ZHX2: variants seen among roughly 807,000 people sequenced by gnomAD.
The protein encoded by ZHX2 is zinc fingers and homeoboxes 2.
In ZHX2, 6 loss-of-function variants were observed where a neutral mutation model predicts 21.9. The ratio of observed to expected loss-of-function variants is 0.27; its 90% confidence interval spans 0.15 to 0.54. The LOEUF is 0.54. ZHX2 is among the 20% of genes least tolerant of loss of function. The pLI, the probability that ZHX2 is intolerant of heterozygous loss-of-function variation, is 0.95. For missense variants in ZHX2, 908 were observed against 1,090.7 expected (o/e 0.83, Z 2.36); for synonymous variants, 434 against 437.1 (o/e 0.99, Z 0.09).
At chr8:122,831,595 C>G (rs1315828168) in intron 1 of ZHX2, among the ~76,000 whole-genome samples, 1 of 152,120 alleles carries the variant, frequency 6.6e-6, no homozygotes, top group East Asian at 1.9e-4. Flanking sequence ...ACTGGCCTTG[C>G]ACGGGTTGTA....
intron 2 of ZHX2, among the ~76,000 whole-genome samples, chr8:122,878,681 T>A (rs1461612443): frequency 1.3e-5 from 2 of 151,422 alleles, no homozygotes; most frequent in Non-Finnish European, 2.9e-5. Flanking sequence ...GTGCAGGGAG[T>A]GTGGGGACTC....
intron 3 of ZHX2, among the ~76,000 whole-genome samples, chr8:122,960,399 A>G (rs1813412778): frequency 6.6e-6 from 1 of 152,082 alleles, no homozygotes; most frequent in African/African-American, 2.4e-5. Flanking sequence ...TTAGCTTGGT[A>G]TAGTGGTGCA....
intron 2 of ZHX2, among the ~76,000 whole-genome samples, chr8:122,942,470 C>T (rs1291858652): frequency 6.6e-6 from 1 of 152,196 alleles, no homozygotes; most frequent in Non-Finnish European, 1.5e-5. Flanking sequence ...GCATCCCTGT[C>T]AAAGCCCGGA....
rs1336486588 is a variant in ZHX2 at position 122,954,905 on chromosome 8, GAATC to G, written c.*4+880_*4+883del. ...TTAAGAATACATATCCAAGTTTACT[GAATC>G]AAAGACCTGAGCTTATTTCTTCTAA... is the stretch of plus-strand genomic sequence containing the variant. On this transcript the variant is annotated intron_variant, in intron 3 of 3. Transcript: ENST00000314393. Among the ~76,000 whole-genome samples the G allele has an allele frequency of 9.9e-5, 15 of 151,092 alleles. No homozygotes were observed. The South Asian group carries it at 2.7e-3, about 27-fold the overall frequency.
intron 1 of ZHX2, among the ~76,000 whole-genome samples, chr8:122,849,121 G>A (rs967069698): frequency 2.6e-5 from 4 of 152,218 alleles, no homozygotes; most frequent in African/African-American, 9.6e-5. Context: ...AAGGTGGGAA[G>A]GTGAGAATCG....
chr8:122,821,581 T>G (rs1818149342), intron 1 of ZHX2, among the ~76,000 whole-genome samples: 1 of 151,422 alleles, frequency 6.6e-6, no homozygotes, highest in Admixed American at 6.6e-5. Flanking sequence ...TTTTGGACAC[T>G]TCTCAAAAGA....
chr8:122,918,020 GACTCTGCT>G (rs1229328211), intron 2 of ZHX2, among the ~76,000 whole-genome samples: 1 of 152,134 alleles, frequency 6.6e-6, no homozygotes, highest in Non-Finnish European at 1.5e-5. Flanking sequence ...TAGCCCTCAA[GACTCTGCT>G]ACTCTTGTCT....
rs953469231 is a variant in ZHX2 at position 122,942,845 on chromosome 8, G to A, written c.-219-8447G>A. Among the ~76,000 whole-genome samples, 10 of 152,262 alleles carry A rather than the reference G, an allele frequency of 6.6e-5. No homozygotes were observed. In the South Asian group the frequency reaches 1.0e-3, roughly 16 times the overall value. ...GCCACCACCTGTCTCTGGAACTGAC[G>A]GTGGTAAGGAAAAAGAACAAAGGAT... On this transcript the variant is annotated intron_variant, in intron 2 of 3. Coordinates refer to ENST00000314393, the MANE Select transcript of ZHX2 (RefSeq NM_014943.5).
chr8:122,893,523 TA>T (rs1358328399), intron 2 of ZHX2, among the ~76,000 whole-genome samples: 2 of 152,110 alleles, frequency 1.3e-5, no homozygotes, highest in Non-Finnish European at 2.9e-5. Context: ...CTTTATTTTT[TA>T]AAAAAACGAA....
intron 1 of ZHX2, among the ~76,000 whole-genome samples, chr8:122,822,776 G>T (rs17360100): frequency 0.045 from 6,817 of 152,348 alleles, 221 homozygotes; most frequent in Non-Finnish European, 0.067. Context: ...TAAGGCCTGT[G>T]CCTGGGCTAT....
At chr8:122,815,820 G>A (rs1294103525) in intron 1 of ZHX2, 1 of 152,254 alleles carries the variant, frequency 6.6e-6, no homozygotes, top group African/African-American at 2.4e-5. Context: ...GGGCGTGGTG[G>A]CTCATGCCCT....
At position 122,782,776 on chromosome 8, in the gene ZHX2, CTGCCAGCTGGCCGG is replaced by C. The variant is rs1817318329; in HGVS notation, c.-283+831_-283+844del. 6.6e-6 allele frequency among the ~76,000 whole-genome samples: 1 copy of C among 152,160 alleles called. No individual in the cohort carries two copies. Among genetic ancestry groups the C allele is most frequent in the Non-Finnish European group, 1.5e-5 (1 of 68,004 alleles). On this transcript the variant is annotated intron_variant, in intron 1 of 3. Transcript: ENST00000314393. The surrounding 1 kb of genome is among the most constrained non-coding windows in gnomAD (Gnocchi z 5.3). ...GCGGGACCCCCGGCCCTGCTGTCCG[CTGCCAGCTGGCCGG>C]AGCCTCTGCCAGCCCGAGCCCACGT...
intron 1 of ZHX2, among the ~76,000 whole-genome samples, chr8:122,800,019 G>A (rs896427255): frequency 6.6e-6 from 1 of 152,028 alleles, no homozygotes; most frequent in Non-Finnish European, 1.5e-5. Flanking sequence ...CACCACACCC[G>A]GCTGATTTTG....
chr8:122,853,601 G>T (rs1397709860), intron 1 of ZHX2, among the ~76,000 whole-genome samples: 4 of 152,106 alleles, frequency 2.6e-5, no homozygotes, highest in Non-Finnish European at 2.9e-5. Context: ...CAGCCAGGCT[G>T]CTCCTTTCAG....
intron 2 of ZHX2, among the ~76,000 whole-genome samples, chr8:122,910,245 T>G (rs1015977432): frequency 1.1e-4 from 17 of 152,056 alleles, no homozygotes; most frequent in Non-Finnish European, 2.9e-5. Context: ...CCTTATTCAG[T>G]CCCCACTATG....
At position 122,952,719 on chromosome 8, in the gene ZHX2, T is replaced by C. The variant is rs1396488532; in HGVS notation, c.1209T>C (p.His403=). ...TTGCCGTGGCAGGAGTCACCAACCA[T>C]GGCCAGAAGAGACCCTTGGTGACTC... is the stretch of plus-strand genomic sequence containing the variant. The part of the protein sequence containing the change: ...ITLAVAGVTN[H]GQKRPLVTPQ... Residue 403 remains histidine (H), a synonymous_variant, in exon 3 of 4, where the codon CAT becomes CAC. Coordinates refer to ENST00000314393, the MANE Select transcript of ZHX2 (RefSeq NM_014943.5). The surrounding 1 kb of genome is among the most constrained non-coding windows in gnomAD (Gnocchi z 6.9). The C allele has an allele frequency of 8.7e-6, 14 of 1,613,892 alleles. No individual in the cohort carries two copies. The highest frequency in any genetic ancestry group is 2.7e-5 in the African/African-American group (2 of 74,864).
chr8:122,865,787 G>A (rs1819278800), intron 2 of ZHX2, among the ~76,000 whole-genome samples: 1 of 152,206 alleles, frequency 6.6e-6, no homozygotes, highest in Non-Finnish European at 1.5e-5. Context: ...CCCAGGTTAA[G>A]GCCCAATGAT....
intron 1 of ZHX2, among the ~76,000 whole-genome samples, chr8:122,787,995 A>G (rs911242948): frequency 1.3e-5 from 2 of 152,200 alleles, no homozygotes; most frequent in African/African-American, 4.8e-5. Flanking sequence ...ATGCCCCCAC[A>G]GCCATCTCAT....
chr8:122,888,436 G>C (rs1229731663), intron 2 of ZHX2, among the ~76,000 whole-genome samples: 2 of 152,074 alleles, frequency 1.3e-5, no homozygotes, highest in Non-Finnish European at 2.9e-5. Flanking sequence ...CTCTCTGCTA[G>C]CTATTCAAAA....
Sources: allele counts gnomAD v4.1 joint callset (sites outside exome capture counted in the v4.1 genomes callset), GRCh38; gene constraint gnomAD v4.1.1; non-coding constraint Gnocchi (gnomAD v3.1); transcripts MANE v1.5; gene names NCBI Gene and HGNC (gene_info 2026-07-23, HGNC 2026-07-21).